SPATA13: variants seen among roughly 807,000 people sequenced by gnomAD.
The protein encoded by SPATA13 is spermatogenesis-associated protein 13.
A neutral mutation model predicts 104.0 loss-of-function variants in SPATA13; 50 were observed. The ratio of observed to expected loss-of-function variants is 0.48; its 90% CI spans 0.38 to 0.61. The LOEUF (loss-of-function observed/expected upper bound fraction) is 0.61, where lower values mean the gene tolerates loss of function less well. Ranked by LOEUF, SPATA13 falls within the 20% of genes least tolerant of loss-of-function variation. The pLI, the probability that SPATA13 is intolerant of heterozygous loss-of-function variation, is 0.00. For synonymous variants in SPATA13, 606 were observed against 667.5 expected (o/e 0.91, Z 1.42); for missense variants, 1,524 against 1,690.6 (o/e 0.90, Z 1.73).
intron 4 of SPATA13, among the ~76,000 whole-genome samples, chr13:24,261,961 G>A (rs1874082051): frequency 6.6e-6 from 1 of 152,186 alleles, no homozygotes; most frequent in African/African-American, 2.4e-5. Context: ...CAATTTATTA[G>A]GCTATGATAT....
At chr13:23,988,213 C>T (rs9507208) in intron 2 of SPATA13, among the ~76,000 whole-genome samples, 40,115 of 152,120 alleles carry the variant, frequency 0.26, 6,121 homozygotes, top group Non-Finnish European at 0.34. Flanking sequence ...TCCTGAAGTG[C>T]TGGGATTACA....
At chr13:23,997,614 C>G (rs1013929542) in intron 2 of SPATA13, among the ~76,000 whole-genome samples, 3 of 152,098 alleles carry the variant, frequency 2.0e-5, no homozygotes, top group Non-Finnish European at 2.9e-5. Flanking sequence ...TTGGCTCATG[C>G]TTCTGCAGGT....
chr13:24,226,070 T>G (rs1593437894), intron 2 of SPATA13, among the ~76,000 whole-genome samples: 1 of 151,258 alleles, frequency 6.6e-6, no homozygotes, highest in Non-Finnish European at 1.5e-5. Context: ...AGTCTGGGGG[T>G]TTTTATAGGC....
chr13:24,278,873 T>TTTCCTTCCTTCCTTCC lies in SPATA13; in HGVS notation c.2165-5225_2165-5210dup, dbSNP rs55973344. The TTTCCTTCCTTCCTTCC allele has an allele frequency of 3.5e-4, 391 of 1,117,032 alleles. 2 individuals carry two copies. In the African/African-American group the frequency reaches 5.4e-3, roughly 15 times the overall value. 69.2% of individuals were successfully genotyped at this position (1,117,032 alleles called of 1,614,324 possible). A position where few individuals can be genotyped will look rare whatever the true frequency, so the allele number is the denominator to read the frequency against. Reference sequence around the variant, plus strand: ...GCATGAAGTCCACATGCTGTTTTTCTTTCCTTCCTTCCTTCCTTCCTTCCT... The same window carrying TTTCCTTCCTTCCTTCC: ...GCATGAAGTCCACATGCTGTTTTTCTTTCCTTCCTTCCTTCCTTCCTTCCTTCCTTCCTTCCTTCCT... On this transcript the variant is annotated intron_variant, in intron 4 of 12. Coordinates refer to ENST00000382108, the MANE Select transcript of SPATA13 (RefSeq NM_001166271.3).
At chr13:24,007,851 T>C (rs553113098) in intron 2 of SPATA13, among the ~76,000 whole-genome samples, 3 of 152,336 alleles carry the variant, frequency 2.0e-5, no homozygotes, top group Non-Finnish European at 4.4e-5. Flanking sequence ...ATATTACATA[T>C]ACTCAATGCA....
At chr13:24,267,193 G>A (rs766702600) in intron 4 of SPATA13, among the ~76,000 whole-genome samples, 1 of 152,124 alleles carries the variant, frequency 6.6e-6, no homozygotes, top group Non-Finnish European at 1.5e-5. Flanking sequence ...GTAGTCCTTT[G>A]CCACAGAATA....
intron 3 of SPATA13, among the ~76,000 whole-genome samples, chr13:24,066,855 C>T (rs570868118): frequency 5.3e-5 from 8 of 152,290 alleles, no homozygotes; most frequent in African/African-American, 9.6e-5. Flanking sequence ...TCAGAGACTC[C>T]GGCCAGATCT....
chr13:24,122,718 A>AT, intron 3 of SPATA13: 1 of 904,868 alleles, frequency 1.1e-6, no homozygotes. Flanking sequence ...AAGGAGGAGC[A>AT]TCATATCTGT....
chr13:24,013,414 TG>T (rs1395562634), intron 2 of SPATA13, among the ~76,000 whole-genome samples: 7 of 152,178 alleles, frequency 4.6e-5, no homozygotes, highest in South Asian at 2.1e-4. Context: ...CTGGGGCCCA[TG>T]GGCAGCCCCC....
At chr13:24,107,066 AG>A (rs929359083) in intron 3 of SPATA13, among the ~76,000 whole-genome samples, 29 of 151,372 alleles carry the variant, frequency 1.9e-4, no homozygotes, top group South Asian at 4.2e-4. Flanking sequence ...GAAAAAAAAA[AG>A]GAAGAAATTT....
chr13:24,125,930 A>G (rs536516282), intron 3 of SPATA13, among the ~76,000 whole-genome samples: 30 of 152,192 alleles, frequency 2.0e-4, no homozygotes, highest in Non-Finnish European at 3.2e-4. Flanking sequence ...AATGTTCCCT[A>G]TTGCCTATGC....
At chr13:24,147,991 A>T (rs1223473407) in intron 3 of SPATA13, among the ~76,000 whole-genome samples, 2 of 152,190 alleles carry the variant, frequency 1.3e-5, no homozygotes, top group Non-Finnish European at 2.9e-5. Flanking sequence ...TAATCCATTC[A>T]TCCACCACTG....
chr13:24,219,064 A>G (rs1200010942), intron 1 of SPATA13, among the ~76,000 whole-genome samples: 1 of 151,136 alleles, frequency 6.6e-6, no homozygotes. Context: ...CAGCTTGTAG[A>G]CAGTGGATTT....
intron 3 of SPATA13, among the ~76,000 whole-genome samples, chr13:24,137,210 C>T (rs1881601738): frequency 6.6e-6 from 1 of 152,082 alleles, no homozygotes; most frequent in Non-Finnish European, 1.5e-5. Flanking sequence ...GTGAACTTGG[C>T]AAAATTATTT....
chr13:23,998,154 A>G (rs931733458), intron 2 of SPATA13, among the ~76,000 whole-genome samples: 1 of 152,320 alleles, frequency 6.6e-6, no homozygotes, highest in East Asian at 1.9e-4. Context: ...TGTTTTCTGA[A>G]GTCTTTGCAC....
chr13:24,278,256 G>A (rs944165688), intron 4 of SPATA13, among the ~76,000 whole-genome samples: 2 of 152,176 alleles, frequency 1.3e-5, no homozygotes, highest in African/African-American at 2.4e-5. Context: ...TAGATGGCCT[G>A]AGCCTGCTGC....
chr13:24,002,316 G>A (rs1256170532), intron 2 of SPATA13, among the ~76,000 whole-genome samples: 1 of 152,156 alleles, frequency 6.6e-6, no homozygotes, highest in African/African-American at 2.4e-5. Flanking sequence ...TCCATGTTGG[G>A]CTTGCAGGCA....
intron 3 of SPATA13, among the ~76,000 whole-genome samples, chr13:24,085,017 G>A (rs1197385361): frequency 1.3e-5 from 2 of 152,172 alleles, no homozygotes; most frequent in African/African-American, 4.8e-5. Context: ...TAAGTCAGCC[G>A]CCTGTGTGTT....
intron 3 of SPATA13, among the ~76,000 whole-genome samples, chr13:24,139,999 C>T (rs923343446): frequency 1.3e-5 from 2 of 148,344 alleles, no homozygotes; most frequent in African/African-American, 5.0e-5. Flanking sequence ...ACCCGGGAGG[C>T]GGAGCTTGGC....
Sources: gnomAD v4.1 joint callset for allele counts (sites outside exome capture counted in the v4.1 genomes callset) on GRCh38, gnomAD v4.1.1 for gene constraint, MANE v1.5 for transcripts, NCBI Gene and HGNC (gene_info 2026-07-23, HGNC 2026-07-21) for gene names.